The following PTGER3 variants were observed in gnomAD, a reference collection of about 807,000 sequenced individuals.
PTGER3 encodes prostaglandin E receptor 3, also known as prostaglandin E2 receptor EP3 subtype.
In PTGER3, 22 loss-of-function variants were observed where a neutral mutation model predicts 34.7. That is an observed-to-expected ratio of 0.63 (90% CI 0.45 to 0.91). The LOEUF (loss-of-function observed/expected upper bound fraction) is 0.91. Among genes scored for constraint, PTGER3 ranks in the 40% least tolerant of loss-of-function variants. The pLI is 0.00. For missense variants in PTGER3, 468 were observed against 519.4 expected, an observed-to-expected ratio of 0.90 and a Z score of 0.96; for synonymous variants, 241 against 230.1, an observed-to-expected ratio of 1.05 and a Z score of -0.43.
chr1:70,973,213 TAGATAGATGATAGATAGATAGATA>T (rs1230423554), intron 3 of PTGER3, among the ~76,000 whole-genome samples: 10 of 130,602 alleles, frequency 7.7e-5, no homozygotes, highest in African/African-American at 2.9e-4. Flanking sequence ...GATAGATAGA[TAGATAGATGATAGATAGATAGATA>T]GATAGATAGA....
intron 4 of PTGER3, among the ~76,000 whole-genome samples, chr1:70,928,896 C>CACTA (rs1553164347): frequency 6.2e-5 from 9 of 145,014 alleles, no homozygotes; most frequent in Admixed American, 6.8e-5. Flanking sequence ...CACACACACA[C>CACTA]TATATATATA....
chr1:70,956,477 C>A (rs998794774), intron 2 of PTGER3, among the ~76,000 whole-genome samples: 1 of 151,638 alleles, frequency 6.6e-6, no homozygotes, highest in African/African-American at 2.4e-5. Context: ...CATGAGTACA[C>A]AAATACAGTG....
intron 4 of PTGER3, among the ~76,000 whole-genome samples, chr1:70,931,192 C>G (rs112165858): frequency 1.5e-4 from 23 of 152,354 alleles, no homozygotes; most frequent in African/African-American, 5.3e-4. Flanking sequence ...CTCTATGTCT[C>G]GCATCCAGGT....
chr1:70,996,813 G>A (rs1656017766), intron 2 of PTGER3, among the ~76,000 whole-genome samples: 3 of 152,004 alleles, frequency 2.0e-5, no homozygotes, highest in South Asian at 4.1e-4. Context: ...ACAGGCGCCC[G>A]CCACCGCGCC....
chr1:70,956,362 A>G (rs1051624400), intron 2 of PTGER3, among the ~76,000 whole-genome samples: 6 of 139,020 alleles, frequency 4.3e-5, no homozygotes, highest in African/African-American at 1.3e-4. Flanking sequence ...AACTTTGGAA[A>G]TATGCTTAAA....
chr1:70,903,871 C>T (rs761198328), intron 4 of PTGER3, among the ~76,000 whole-genome samples: 2 of 152,292 alleles, frequency 1.3e-5, no homozygotes, highest in Admixed American at 1.3e-4. Flanking sequence ...TCAGTTTTCT[C>T]TTCTGTAAAA....
At chr1:70,953,204 G>A in intron 3 of PTGER3, 1 of 720,802 alleles carries the variant, frequency 1.4e-6, no homozygotes, top group Non-Finnish European at 2.0e-6. Context: ...ATAATCCAGA[G>A]ATTATTTAAA....
At chr1:70,913,974 C>T (rs1647118498) in intron 4 of PTGER3, among the ~76,000 whole-genome samples, 1 of 151,708 alleles carries the variant, frequency 6.6e-6, no homozygotes. Flanking sequence ...CAGAGTAATG[C>T]CAGCTTTATA....
chr1:70,949,724 A>G (rs770335866), downstream of PTGER3, among the ~76,000 whole-genome samples: 2 of 152,194 alleles, frequency 1.3e-5, no homozygotes, highest in Non-Finnish European at 2.9e-5. Flanking sequence ...GTGAAGGTCT[A>G]GATATTCTAG....
intron 4 of PTGER3, among the ~76,000 whole-genome samples, chr1:70,940,221 C>T (rs1408299185): frequency 6.6e-6 from 1 of 152,182 alleles, no homozygotes; most frequent in Non-Finnish European, 1.5e-5. Context: ...CAACAACTTC[C>T]TCACCTCCAC....
Position 70,855,498 on chromosome 1 carries a change from C to T in PTGER3, c.*24-2639G>A, listed in dbSNP as rs1645781775. ...ATGTTATGTTAAAATGTGTTTTCTACCATAATTTTAAAAATAAATAAATAA... is the reference window on the plus strand; with the variant it reads ...ATGTTATGTTAAAATGTGTTTTCTATCATAATTTTAAAAATAAATAAATAA... On this transcript the variant is annotated intron_variant, in intron 4 of 4. Transcript: ENST00000370931. Among the ~76,000 whole-genome samples the T allele has an allele frequency of 1.3e-5, 2 of 152,004 alleles. 1 individual carries two copies. Among genetic ancestry groups the T allele is most frequent in the South Asian group, 4.2e-4 (2 of 4,802 alleles).
At chr1:70,896,051 T>C (rs1486171913) in intron 4 of PTGER3, among the ~76,000 whole-genome samples, 2 of 152,186 alleles carry the variant, frequency 1.3e-5, no homozygotes, top group Non-Finnish European at 2.9e-5. Flanking sequence ...ATGATAACAT[T>C]CCTAAAATTT....
intron 4 of PTGER3, chr1:70,862,332 C>G: frequency 7.3e-7 from 1 of 1,364,818 alleles, no homozygotes; most frequent in Non-Finnish European, 9.8e-7. Flanking sequence ...TTCACAGATA[C>G]TTCATCCCAG....
At chr1:71,027,558 A>T (rs1329384718) in intron 1 of PTGER3, among the ~76,000 whole-genome samples, 1 of 152,214 alleles carries the variant, frequency 6.6e-6, no homozygotes. Context: ...AACCCATTTA[A>T]CCAGAACAGG....
chr1:70,925,048 A>C (rs1453340277), intron 4 of PTGER3, among the ~76,000 whole-genome samples: 1 of 152,188 alleles, frequency 6.6e-6, no homozygotes, highest in Non-Finnish European at 1.5e-5. Context: ...TCTGTCACCC[A>C]GTCTGGAGTG....
chr1:70,999,265 T>C (rs1656263148), intron 2 of PTGER3, among the ~76,000 whole-genome samples: 1 of 152,200 alleles, frequency 6.6e-6, no homozygotes, highest in Non-Finnish European at 1.5e-5. Flanking sequence ...TTAGTGATAA[T>C]AATAGAATTA....
rs190930389 is a variant in PTGER3 at position 70,927,903 on chromosome 1, T to C, written c.*23+25860A>G. Among the ~76,000 whole-genome samples the C allele has an allele frequency of 3.9e-5, 6 of 152,268 alleles. No homozygotes were observed. In the East Asian group the frequency reaches 1.2e-3, roughly 29 times the overall value. On this transcript the variant is annotated intron_variant, in intron 4 of 4. Transcript: ENST00000370931. ...CCTCTAAACCAAGTGCCTTAGCTTCTTGTATTTACCCTATACACTGATCTA... is the reference window on the plus strand; with the variant it reads ...CCTCTAAACCAAGTGCCTTAGCTTCCTGTATTTACCCTATACACTGATCTA...
downstream of PTGER3, among the ~76,000 whole-genome samples, chr1:70,949,672 G>C (rs1480145139): frequency 6.6e-6 from 1 of 152,148 alleles, no homozygotes; most frequent in Non-Finnish European, 1.5e-5. Flanking sequence ...ATGGACACTT[G>C]AGACATTCTA....
chr1:70,914,268 C>A (rs1219584419), intron 4 of PTGER3, among the ~76,000 whole-genome samples: 1 of 151,594 alleles, frequency 6.6e-6, no homozygotes, highest in Non-Finnish European at 1.5e-5. Context: ...AGCCATTGTG[C>A]CTCTGTTACC....
Sources: allele counts gnomAD v4.1 joint callset (sites outside exome capture counted in the v4.1 genomes callset), GRCh38; gene constraint gnomAD v4.1.1; transcripts MANE v1.5; gene names NCBI Gene and HGNC (gene_info 2026-07-23, HGNC 2026-07-21).